PRDM16: variants seen among roughly 807,000 people sequenced by gnomAD.
The protein encoded by PRDM16 is PR/SET domain 16.
Under a neutral mutation model 110.6 loss-of-function variants are expected in PRDM16, and 23 were observed. The ratio of observed to expected loss-of-function variants is 0.21; its 90% CI spans 0.15 to 0.29. PRDM16 has a LOEUF of 0.29. PRDM16 is among the 10% of genes least tolerant of loss of function. PRDM16 has a pLI of 1.00. For missense variants in PRDM16, 1,615 were observed against 1,794.3 expected (o/e 0.90, Z 1.81); for synonymous variants, 799 against 781.8 (o/e 1.02, Z -0.37).
Position 3,412,324 on chromosome 1 carries a change from G to C in PRDM16, c.2127G>C (p.Met709Ile), listed in dbSNP as rs754175753. 6.2e-7 allele frequency: 1 copy of C among 1,613,764 alleles called. No individual in the cohort carries two copies. Among genetic ancestry groups the C allele is most frequent in the South Asian group, 1.1e-5 (1 of 91,092 alleles). ...AGAAGTACTTTGGCCCCGGCTTCAT[G>C]GGGATGCAGGAGAAGAAGCTGGGCT... ...IAEKYFGPGF[M>I]GMQEKKLGSL... Residue 709 changes from methionine to isoleucine, a missense_variant, in exon 9 of 17, where the codon ATG becomes ATC. By Grantham distance (10) the Met-to-Ile change is conservative. Coordinates refer to ENST00000270722, the MANE Select transcript of PRDM16 (RefSeq NM_022114.4).
At position 3,402,898 on chromosome 1, in the gene PRDM16, G is replaced by C; in HGVS notation, c.784G>C (p.Glu262Gln). Reference sequence around the variant, plus strand: ...TGGCTCAGTGGGGGCTGCGCTCTACGAGGGCCTGGCTGAGGAGCTCAAGCC... The same window carrying C: ...TGGCTCAGTGGGGGCTGCGCTCTACCAGGGCCTGGCTGAGGAGCTCAAGCC... ...TCGSVGAALY[E>Q]GLAEELKPEG... Residue 262 changes from glutamate (E) to glutamine (Q), a missense_variant, in exon 6 of 17, where the codon GAG (glutamate) becomes CAG (glutamine). By Grantham distance (29) the Glu-to-Gln change is conservative. Coordinates refer to ENST00000270722, the MANE Select transcript of PRDM16 (RefSeq NM_022114.4). 1 of 1,613,000 alleles carries C rather than the reference G, an allele frequency of 6.2e-7. No homozygotes were observed. Among genetic ancestry groups the C allele is most frequent in the Non-Finnish European group, 8.5e-7 (1 of 1,180,004 alleles).
intron 2 of PRDM16, among the ~76,000 whole-genome samples, chr1:3,194,171 T>C (rs2651912): frequency 0.73 from 111,342 of 152,216 alleles, 41,583 homozygotes; most frequent in African/African-American, 0.9. Flanking sequence ...AGCACTCGTC[T>C]GGCCTTCTGC....
chr1:3,409,781 G>T (rs895909038), intron 8 of PRDM16, among the ~76,000 whole-genome samples: 16 of 144,662 alleles, frequency 1.1e-4, no homozygotes, highest in Admixed American at 4.8e-4. Context: ...TTGTGTGTGG[G>T]TGTGTGGTGT....
At chr1:3,110,219 G>T (rs59249690) in intron 1 of PRDM16, among the ~76,000 whole-genome samples, 1 of 134,272 alleles carries the variant, frequency 7.4e-6, no homozygotes, top group Non-Finnish European at 1.6e-5. Context: ...CAGTGCTCGG[G>T]GGCTCCCCTC....
At chr1:3,302,898 T>C (rs1042715522) in intron 3 of PRDM16, among the ~76,000 whole-genome samples, 1 of 152,122 alleles carries the variant, frequency 6.6e-6, no homozygotes, top group African/African-American at 2.4e-5. Flanking sequence ...TGGCCTTGGG[T>C]GCACTTCATG....
intron 4 of PRDM16, among the ~76,000 whole-genome samples, chr1:3,393,115 G>C (rs746960869): frequency 6.6e-6 from 1 of 152,190 alleles, no homozygotes; most frequent in Non-Finnish European, 1.5e-5. Flanking sequence ...AAACTCAGCT[G>C]TTGTTAAGAG....
intron 3 of PRDM16, among the ~76,000 whole-genome samples, chr1:3,342,057 C>T (rs564638950): frequency 1.3e-5 from 2 of 152,308 alleles, no homozygotes; most frequent in East Asian, 3.9e-4. Flanking sequence ...ATCTTCCCAG[C>T]CCAGCCGTGC....
intron 2 of PRDM16, among the ~76,000 whole-genome samples, chr1:3,233,134 C>T (rs1220593080): frequency 2.6e-5 from 4 of 152,242 alleles, no homozygotes; most frequent in Admixed American, 1.3e-4. Flanking sequence ...GATGCTGGTG[C>T]AGAGCCCACC....
Position 3,181,834 on chromosome 1 carries a change from T to G in PRDM16, c.38-4291T>G, listed in dbSNP as rs370145000. On this transcript the variant is annotated intron_variant, in intron 1 of 16. Coordinates refer to ENST00000270722, the MANE Select transcript of PRDM16 (RefSeq NM_022114.4). ...GTCTTACACATGCGGTCTTACACAT[T>G]CAGTCTTACACACGGTCTTACACAC... is the stretch of plus-strand genomic sequence containing the variant. 6.2e-4 allele frequency among the ~76,000 whole-genome samples: 20 copies of G among 32,014 alleles called. 1 individual carries two copies. The highest frequency in any genetic ancestry group is 1.1e-3 in the African/African-American group (14 of 13,278). 21.0% of individuals were successfully genotyped at this position (32,014 alleles called of 152,430 possible). A position where few individuals can be genotyped will look rare whatever the true frequency, so the allele number is the denominator to read the frequency against.
At chr1:3,224,909 C>T (rs1044792441) in intron 2 of PRDM16, among the ~76,000 whole-genome samples, 44 of 152,338 alleles carry the variant, frequency 2.9e-4, no homozygotes, top group African/African-American at 8.7e-4. Context: ...TCCTGTTGGA[C>T]GCAGCATCTC....
chr1:3,186,230 T>G lies in PRDM16; in HGVS notation c.143T>G (p.Val48Gly), dbSNP rs766616489. ...GACAGTGCCATGTCGCCCATCCCCG[T>G]GGGGCCACCGTCCCCCTTCCCCACC... Reference protein sequence around the residue: ...AEDSAMSPIPVGPPSPFPTSE... With the variant: ...AEDSAMSPIPGGPPSPFPTSE... Residue 48 changes from valine (V) to glycine (G), a missense_variant, in exon 2 of 17, where the codon GTG becomes GGG. Coordinates refer to ENST00000270722, the MANE Select transcript of PRDM16 (RefSeq NM_022114.4). 1.2e-6 allele frequency: 2 copies of G among 1,612,508 alleles called. No homozygotes were observed. The highest frequency in any genetic ancestry group is 2.2e-5 in the South Asian group (2 of 91,040).
intron 3 of PRDM16, among the ~76,000 whole-genome samples, chr1:3,342,136 G>A (rs370062043): frequency 3.9e-5 from 6 of 152,194 alleles, no homozygotes; most frequent in South Asian, 2.1e-4. Context: ...GCCTCGTGCC[G>A]GCGTGGCTCA....
At chr1:3,426,535 C>T (rs767011958) in intron 14 of PRDM16, among the ~76,000 whole-genome samples, 19 of 152,112 alleles carry the variant, frequency 1.2e-4, no homozygotes, top group African/African-American at 3.4e-4. Context: ...TCAGCTGTGC[C>T]GCTGACACTC....
rs1336039244 is a variant in PRDM16, at chr1:3,359,683, G to A, written c.439-25469G>A. 6.6e-6 allele frequency among the ~76,000 whole-genome samples: 1 copy of A among 152,086 alleles called. No homozygotes were observed. The highest frequency in any genetic ancestry group is 2.4e-5 in the African/African-American group (1 of 41,396). On this transcript the variant is annotated intron_variant, in intron 3 of 16. Transcript: ENST00000270722. This position sits in a 1 kb window ranked among gnomAD's most constrained non-coding sequence, Gnocchi z 4.3. The stretch of plus-strand genomic sequence containing the variant: ...TTAAAGGGTCTTTAGAAAATTTTTG[G>A]CAATCTTGACTTCTTTCCCCCTTGG...
chr1:3,151,753 C>G (rs1643779118), intron 1 of PRDM16, among the ~76,000 whole-genome samples: 1 of 152,188 alleles, frequency 6.6e-6, no homozygotes, highest in Admixed American at 6.5e-5. Flanking sequence ...ATACACGGCT[C>G]ACTGTATTCT....
rs1638581909 is a variant in PRDM16 at position 3,425,605 on chromosome 1, C to T, written c.2964C>T (p.Phe988=). ...GGTGTAAGTACTGCGACCGCTCCTT[C>T]AGCATCTCTTCGAACCTCCAGCGGC... ...PYRCKYCDRS[F]SISSNLQRHV... The change falls in exon 13 of 17, where the codon TTC becomes TTT. Residue 988 remains phenylalanine (F), a synonymous_variant. Transcript: ENST00000270722. The surrounding 1 kb of genome is among the most constrained non-coding windows in gnomAD (Gnocchi z 6.9). 2 of 1,613,926 alleles carry T rather than the reference C, an allele frequency of 1.2e-6. No homozygotes were observed. Among genetic ancestry groups the T allele is most frequent in the East Asian group, 4.5e-5 (2 of 44,856 alleles).
intron 1 of PRDM16, among the ~76,000 whole-genome samples, chr1:3,114,165 GCACACACACGCA>G (rs1211624933): frequency 5.0e-4 from 65 of 129,156 alleles, no homozygotes; most frequent in South Asian, 7.2e-4. Context: ...ACACACACAC[GCACACACACGCA>G]CACACACGCA....
At chr1:3,225,470 C>T (rs1287304118) in intron 2 of PRDM16, among the ~76,000 whole-genome samples, 1 of 152,024 alleles carries the variant, frequency 6.6e-6, no homozygotes, top group Non-Finnish European at 1.5e-5. Flanking sequence ...CGCGTGGACA[C>T]CACTCTCTGT....
intron 3 of PRDM16, among the ~76,000 whole-genome samples, chr1:3,347,325 G>A (rs1213079998): frequency 6.6e-6 from 1 of 152,344 alleles, no homozygotes; most frequent in Non-Finnish European, 1.5e-5. Flanking sequence ...CAGGGAGGGC[G>A]AGACTCTCAG....
Sources: gnomAD v4.1 joint callset for allele counts (sites outside exome capture counted in the v4.1 genomes callset) on GRCh38, gnomAD v4.1.1 for gene constraint, Gnocchi (gnomAD v3.1) non-coding constraint, MANE v1.5 for transcripts, NCBI Gene and HGNC (gene_info 2026-07-23, HGNC 2026-07-21) for gene names.